The following ANGEL2 variants were observed in gnomAD, a reference collection of about 807,000 sequenced individuals.
The protein encoded by ANGEL2 is RNA 2',3'-cyclic phosphatase ANGEL2.
Under a neutral mutation model 66.0 loss-of-function variants are expected in ANGEL2, and 41 were observed. The ratio of observed to expected loss-of-function variants is 0.62; its 90% CI spans 0.48 to 0.81. The LOEUF (loss-of-function observed/expected upper bound fraction) is 0.81. ANGEL2 is among the 30% of genes least tolerant of loss of function. The pLI, the probability that ANGEL2 is intolerant of heterozygous loss-of-function variation, is 0.00. For missense variants in ANGEL2, 561 were observed against 641.6 expected (o/e 0.87, Z 1.36); for synonymous variants, 208 against 226.5 (o/e 0.92, Z 0.73).
At chr1:213,011,956 A>G (rs999810792) in intron 2 of ANGEL2, among the ~76,000 whole-genome samples, 2 of 152,180 alleles carry the variant, frequency 1.3e-5, no homozygotes, top group African/African-American at 4.8e-5. Context: ...ATTCATTCAA[A>G]TATTTCTTGT....
Position 213,005,136 on chromosome 1 carries a change from C to T in ANGEL2, c.1031G>A (p.Cys344Tyr), listed in dbSNP as rs2076286974. 6.2e-7 allele frequency: 1 copy of T among 1,614,130 alleles called. No homozygotes were observed. The highest frequency in any genetic ancestry group is 2.2e-5 in the East Asian group (1 of 44,882). ...SVAHQKDGSF[C>Y]PIVMCGDFNS... ...AAAGTCACCACACATAACAATAGGG[C>T]AGAAGCTGCCATCTTTCTGGTGGGC... The change falls in exon 5 of 9, where the codon TGC becomes TAC. Residue 344 changes from cysteine (C) to tyrosine (Y), a missense_variant. Physicochemically the swap from Cys to Tyr is radical, Grantham distance 194. Transcript: ENST00000366962.
intron 4 of ANGEL2, 97 bp downstream of exon 4, chr1:213,007,032 T>G: frequency 8.6e-7 from 1 of 1,159,750 alleles, no homozygotes; most frequent in Non-Finnish European, 1.3e-6. Context: ...AGGTTGAGGC[T>G]GTAGTGAGCC....
At chr1:213,008,613 A>C (rs1422578259) in intron 2 of ANGEL2, 147 bp from the exon 3 acceptor site, 2 of 911,742 alleles carry the variant, frequency 2.2e-6, no homozygotes, top group Non-Finnish European at 3.2e-6. Context: ...ATAGCACTGA[A>C]TAATTAGAAC....
At position 212,997,159 on chromosome 1, in the gene ANGEL2, G is replaced by A. The variant is rs773393156; in HGVS notation, c.1479C>T (p.His493=). Residue 493 remains histidine (H), a synonymous_variant, in exon 8 of 9, where the codon CAC becomes CAT. Transcript: ENST00000366962. ...AAGATTACATGCATTCCTTACCTGG[G>A]TGCCCAGCAACATCTTCCTTTTCTG... ...YSAEKEDVAG[H]PGAEVALVGG... is the part of the protein sequence containing the mutation. 6.2e-7 allele frequency: 1 copy of A among 1,612,156 alleles called. No homozygotes were observed. Among genetic ancestry groups the A allele is most frequent in the Non-Finnish European group, 8.5e-7 (1 of 1,178,578 alleles).
At chr1:213,005,524 T>C (rs2148158670) in intron 4 of ANGEL2, 70 bp from the exon 5 acceptor site, 1 of 1,399,550 alleles carries the variant, frequency 7.1e-7, no homozygotes, top group East Asian at 2.3e-5. Flanking sequence ...GCTCACCTGA[T>C]ACTTCTGAAC....
chr1:213,006,954 C>T, intron 4 of ANGEL2, 175 bp downstream of exon 4: 1 of 469,546 alleles, frequency 2.1e-6, no homozygotes, highest in Non-Finnish European at 3.7e-6. Flanking sequence ...ATTGGCCGGG[C>T]ATGGTGGCAC....
chr1:213,003,674 A>G (rs2076239302), intron 5 of ANGEL2, among the ~76,000 whole-genome samples: 1 of 152,346 alleles, frequency 6.6e-6, no homozygotes, highest in African/African-American at 2.4e-5. Context: ...TTGGATCAAC[A>G]TAACAGATGT....
chr1:213,004,930 G>T, intron 5 of ANGEL2, 103 bp downstream of exon 5: 3 of 791,638 alleles, frequency 3.8e-6, no homozygotes, highest in Non-Finnish European at 3.8e-6. Context: ...TGAGGGTACT[G>T]GATCATCCAA....
intron 5 of ANGEL2, among the ~76,000 whole-genome samples, chr1:213,002,521 C>CA (rs999629667): frequency 7.9e-5 from 12 of 152,240 alleles, no homozygotes; most frequent in Non-Finnish European, 1.8e-4. Context: ...TAGCTCCTAA[C>CA]AAAAGAGTCA....
Position 213,007,134 on chromosome 1 carries a change from G to A in ANGEL2, c.707C>T (p.Ser236Leu). 6.3e-7 allele frequency: 1 copy of A among 1,599,362 alleles called. No homozygotes were observed. The highest frequency in any genetic ancestry group is 8.5e-7 in the Non-Finnish European group (1 of 1,170,486). Reference sequence around the variant, plus strand: ...AAAAAAAAGTTGCATTGTACCCAGTGATTCCAAACTTGGCCTGATCTCTGC... The same window carrying A: ...AAAAAAAAGTTGCATTGTACCCAGTAATTCCAAACTTGGCCTGATCTCTGC... Reference protein sequence around the residue: ...YGAEIRPSLESLGYHCEYKMR... With the variant: ...YGAEIRPSLELLGYHCEYKMR... Residue 236 changes from serine (S) to leucine (L), a missense_variant, in exon 4 of 9, where the codon TCA (serine) becomes TTA (leucine). Ser to Leu is a moderately radical substitution (Grantham distance 145, BLOSUM62 -2). Transcript: ENST00000366962.
At position 213,013,178 on chromosome 1, in the gene ANGEL2, C is replaced by A; in HGVS notation, c.300G>T (p.Leu100=). 6.2e-7 allele frequency: 1 copy of A among 1,614,166 alleles called. No individual in the cohort carries two copies. Among genetic ancestry groups the A allele is most frequent in the Non-Finnish European group, 8.5e-7 (1 of 1,180,018 alleles). ...FQYCNWRPDN[L]SQTSLIHLSS... Reference sequence around the variant, plus strand: ...AGAGATGAATCAAAGATGTCTGGCTCAGGTTGTCAGGTCTCCAGTTACAGT... The same window carrying A: ...AGAGATGAATCAAAGATGTCTGGCTAAGGTTGTCAGGTCTCCAGTTACAGT... Residue 100 remains leucine (L), a synonymous_variant, in exon 2 of 9, where the codon CTG becomes CTT. Transcript: ENST00000366962.
intron 5 of ANGEL2, chr1:213,002,210 T>A (rs1021800404): frequency 1.3e-5 from 2 of 152,242 alleles, no homozygotes; most frequent in African/African-American, 4.8e-5. Flanking sequence ...GCAGAATGGA[T>A]GCCGTGTTAG....
At chr1:213,015,515 G>GCCC in intron 1 of ANGEL2, 98 bp downstream of exon 1, 3 of 1,244,562 alleles carry the variant, frequency 2.4e-6, no homozygotes, top group Non-Finnish European at 2.1e-6. Context: ...TCCACCCCTA[G>GCCC]CCCGCCCCGC....
At position 213,000,354 on chromosome 1, in the gene ANGEL2, G is replaced by T. The variant is rs143386835; in HGVS notation, c.1291C>A (p.Gln431Lys). Residue 431 changes from glutamine to lysine, a missense_variant, in exon 7 of 9, where the codon CAA (glutamine) becomes AAA (lysine). Transcript: ENST00000366962. ...TCAGCTGTCACTAGGACCTCTGTTT[G>T]CTTCAGCTGTGTTTGTGTCAGATCA... Reference protein sequence around the residue: ...DSDLTQTQLKQTEVLVTAEKL... With the variant: ...DSDLTQTQLKKTEVLVTAEKL... 3,127 of 1,613,718 alleles carry T rather than the reference G, an allele frequency of 1.9e-3. 6 individuals are homozygous for T. Among genetic ancestry groups the T allele is most frequent in the Middle Eastern group, 6.1e-3 (37 of 6,062 alleles).
chr1:212,997,039 T>C, intron 8 of ANGEL2, 116 bp downstream of exon 8: 1 of 957,418 alleles, frequency 1.0e-6, no homozygotes, highest in Non-Finnish European at 1.5e-6. Context: ...TCGAAATATT[T>C]TTACCTTCTA....
At chr1:212,998,815 C>T (rs1008006803) in intron 7 of ANGEL2, among the ~76,000 whole-genome samples, 2 of 151,900 alleles carry the variant, frequency 1.3e-5, no homozygotes, top group Non-Finnish European at 1.5e-5. Flanking sequence ...CGTGAGCCAC[C>T]GCGCCCGGCC....
At chr1:213,007,334 G>T in intron 3 of ANGEL2, 136 bp from the exon 4 acceptor site, 1 of 678,062 alleles carries the variant, frequency 1.5e-6, no homozygotes, top group Non-Finnish European at 2.4e-6. Context: ...AGACTTACCT[G>T]TTTTTCTTGT....
Position 212,997,430 on chromosome 1 carries a change from A to G in ANGEL2, c.1320-112T>C, listed in dbSNP as rs2076056691. ...CTAGACTAAGACCAAACATTAGGAC[A>G]AGCTTTATTTAAAAAGACCATATCA... On this transcript the variant is annotated intron_variant, in intron 7 of 8. Coordinates refer to ENST00000366962, the MANE Select transcript of ANGEL2 (RefSeq NM_144567.5). 3.4e-6 allele frequency: 3 copies of G among 884,492 alleles called. No individual in the cohort carries two copies. The South Asian group carries it at 5.9e-5, about 18-fold the overall frequency. 54.8% of individuals were successfully genotyped at this position (884,492 alleles called of 1,614,324 possible). A position where few individuals can be genotyped will look rare whatever the true frequency, so the allele number is the denominator to read the frequency against.
rs1197387762 is a variant in ANGEL2 at position 212,992,708 on chromosome 1, G to C, written c.*2333C>G. 6.6e-6 allele frequency: 1 copy of C among 152,002 alleles called. No individual in the cohort carries two copies. The highest frequency in any genetic ancestry group is 1.5e-5 in the Non-Finnish European group (1 of 67,992). The allele number at this position is 152,002 out of a possible 1,614,324, so 9.4% of individuals were successfully genotyped here. On this transcript the variant is annotated 3_prime_UTR_variant, in exon 9 of 9. Coordinates refer to ENST00000366962, the MANE Select transcript of ANGEL2 (RefSeq NM_144567.5). ...ATCAAAGTGAAGCACATGAAAAATG[G>C]GCCTAAAGTCACAATATATTAATCA... is the stretch of plus-strand genomic sequence containing the variant.
Sources: allele counts gnomAD v4.1 joint callset (sites outside exome capture counted in the v4.1 genomes callset), GRCh38; gene constraint gnomAD v4.1.1; transcripts MANE v1.5; gene names NCBI Gene and HGNC (gene_info 2026-07-23, HGNC 2026-07-21).